Variants in SLC43A2 observed in about 807,000 individuals in gnomAD.
The protein encoded by SLC43A2 is large neutral amino acids transporter small subunit 4.
In SLC43A2, 38 loss-of-function variants were observed where a neutral mutation model predicts 63.2. The observed-to-expected ratio is 0.60, with a 90% CI of 0.46 to 0.79. SLC43A2 has a LOEUF of 0.79. Among genes scored for constraint, SLC43A2 ranks in the 30% least tolerant of loss-of-function variants. SLC43A2 has a pLI of 0.00. For missense variants in SLC43A2, 644 were observed against 756.2 expected, an observed-to-expected ratio of 0.85 and a Z score of 1.74; for synonymous variants, 322 against 331.0, an observed-to-expected ratio of 0.97 and a Z score of 0.30.
chr17:1,591,580 C>T lies in SLC43A2; in HGVS notation c.714G>A (p.Glu238=), dbSNP rs111416101. ...CCTCTACTTACGAGTAGTCCATGTC[C>T]TCCGGCCCCGGGAAGGGCTCAAGGG... The part of the protein sequence containing the change: ...NWPLEPFPGP[E]DMDYSVKIKF... The change falls in exon 7 of 14, where the codon GAG becomes GAA. Residue 238 remains glutamate (E), a synonymous_variant. Coordinates refer to ENST00000301335, the MANE Select transcript of SLC43A2 (RefSeq NM_152346.3). 2,811 of 1,550,598 alleles carry T rather than the reference C, an allele frequency of 1.8e-3. 57 individuals carry two copies. The African/African-American group carries it at 0.033, about 18-fold the overall frequency.
At chr17:1,584,092 A>T (rs922783301) in intron 10 of SLC43A2, among the ~76,000 whole-genome samples, 1 of 151,938 alleles carries the variant, frequency 6.6e-6, no homozygotes, top group Admixed American at 6.6e-5. Flanking sequence ...ACAGGGTTTC[A>T]CCATGTTAGC....
chr17:1,579,390 G>A (rs2075979692), intron 11 of SLC43A2, among the ~76,000 whole-genome samples: 1 of 151,254 alleles, frequency 6.6e-6, no homozygotes. Flanking sequence ...GAACCGGGGA[G>A]GCGGAGGTTG....
chr17:1,583,161 ACTGCCCCACCTCCCAC>A lies in SLC43A2; in HGVS notation c.1350+27_1350+42del. On this transcript the variant is annotated intron_variant, in intron 11 of 13. Transcript: ENST00000301335. This position sits in a 1 kb window ranked among gnomAD's most constrained non-coding sequence, Gnocchi z 5.5. ...TTTGAGTCTTTACATGTTCCTTCTG[ACTGCCCCACCTCCCAC>A]CTGCCCCTCCCACTCCCCACACCCA... The A allele has an allele frequency of 1.3e-6, 2 of 1,597,116 alleles. No individual in the cohort carries two copies. Among genetic ancestry groups the A allele is most frequent in the Non-Finnish European group, 1.7e-6 (2 of 1,165,994 alleles).
rs1374837307 is a variant in SLC43A2, at chr17:1,569,779, A to G, written c.*5825T>C. On this transcript the variant is annotated 3_prime_UTR_variant, in exon 14 of 14. Coordinates refer to ENST00000301335, the MANE Select transcript of SLC43A2 (RefSeq NM_152346.3). ...AGCTATTTGGCCAAGTCTTACCAAA[A>G]CGTGAAAGCCACAAAAGAAAAGTGA... The G allele has an allele frequency of 2.0e-5, 3 of 152,018 alleles. No homozygotes were observed. Among genetic ancestry groups the G allele is most frequent in the African/African-American group, 7.3e-5 (3 of 41,372 alleles). The allele number at this position is 152,018 out of a possible 1,614,324, so 9.4% of individuals were successfully genotyped here.
chr17:1,613,601 C>T (rs1205252803), intron 4 of SLC43A2, among the ~76,000 whole-genome samples: 3 of 152,150 alleles, frequency 2.0e-5, no homozygotes, highest in African/African-American at 4.8e-5. Context: ...TACAGGCATG[C>T]GCCACCACAC....
rs1414536141 is a variant in SLC43A2, at chr17:1,579,334, G to A, written c.1351-1011C>T. Among the ~76,000 whole-genome samples the A allele has an allele frequency of 2.7e-5, 4 of 150,446 alleles. No individual in the cohort carries two copies. The East Asian group carries it at 5.8e-4, about 22-fold the overall frequency. On this transcript the variant is annotated intron_variant, in intron 11 of 13. Coordinates refer to ENST00000301335, the MANE Select transcript of SLC43A2 (RefSeq NM_152346.3). ...AAATTAGCCGGGTGTGGTGGCGGGC[G>A]CCTGTATTCCCAGCTACTCAGGAGG...
intron 5 of SLC43A2, among the ~76,000 whole-genome samples, chr17:1,611,404 G>A (rs1372156428): frequency 6.6e-6 from 1 of 152,138 alleles, no homozygotes; most frequent in Non-Finnish European, 1.5e-5. Context: ...GGAGGCTGAG[G>A]CGGGCAGATT....
intron 6 of SLC43A2, among the ~76,000 whole-genome samples, chr17:1,591,933 A>T (rs1904852302): frequency 1.3e-5 from 2 of 151,828 alleles, no homozygotes; most frequent in Admixed American, 6.6e-5. Flanking sequence ...TAGCCCCCCG[A>T]CTCGGAGGCC....
At chr17:1,614,856 C>A in intron 4 of SLC43A2, 123 bp downstream of exon 4, 1 of 932,896 alleles carries the variant, frequency 1.1e-6, no homozygotes, top group Non-Finnish European at 1.7e-6. Context: ...TAACAGGTGT[C>A]CCCTCTAACT....
chr17:1,623,784 CTCCTCCAGGCTGTACCCTCCT>C (rs1908391346), intron 2 of SLC43A2, among the ~76,000 whole-genome samples: 2 of 149,130 alleles, frequency 1.3e-5, no homozygotes, highest in Non-Finnish European at 3.0e-5. Context: ...GTACCCTCCT[CTCCTCCAGGCTGTACCCTCCT>C]CTCCTCCAGG....
chr17:1,581,216 ACACACG>A (rs1446181687), intron 11 of SLC43A2, among the ~76,000 whole-genome samples: 2 of 151,990 alleles, frequency 1.3e-5, no homozygotes, highest in Non-Finnish European at 2.9e-5. Context: ...ACACACACAC[ACACACG>A]CACGCTGTGC....
rs558764725 is a variant in SLC43A2 at position 1,577,865 on chromosome 17, G to T, written c.1424+385C>A. Among the ~76,000 whole-genome samples the T allele has an allele frequency of 6.6e-6, 1 of 152,302 alleles. No individual in the cohort carries two copies. Among genetic ancestry groups the T allele is most frequent in the East Asian group, 1.9e-4 (1 of 5,184 alleles). On this transcript the variant is annotated intron_variant, in intron 12 of 13. Coordinates refer to ENST00000301335, the MANE Select transcript of SLC43A2 (RefSeq NM_152346.3). This position sits in a 1 kb window ranked among gnomAD's most constrained non-coding sequence, Gnocchi z 4.9. Reference sequence around the variant, plus strand: ...TTGCTGCCCGTGATGAGGGCAACTGGAACTTCCGCATTTAGCTTCAGGCAG... The same window carrying T: ...TTGCTGCCCGTGATGAGGGCAACTGTAACTTCCGCATTTAGCTTCAGGCAG...
rs1181958476 is a variant in SLC43A2, at chr17:1,613,290, C to G, written c.425-19G>C. The G allele has an allele frequency of 6.2e-7, 1 of 1,613,464 alleles. No homozygotes were observed. Among genetic ancestry groups the G allele is most frequent in the Admixed American group, 1.7e-5 (1 of 59,968 alleles). ...GAGAGAGCTGCAGGGACATGGAAAG[C>G]TCGTGAGTGGAGACCCCAGCTGAGC... On this transcript the variant is annotated intron_variant, in intron 4 of 13. Transcript: ENST00000301335.
chr17:1,576,857 A>T, intron 12 of SLC43A2, 137 bp from the exon 13 acceptor site: 9 of 922,424 alleles, frequency 9.8e-6, no homozygotes, highest in Non-Finnish European at 1.4e-5. Context: ...CCTGCTGGGC[A>T]GTTCTGTTTT....
chr17:1,597,555 T>C (rs1905432361), intron 5 of SLC43A2, among the ~76,000 whole-genome samples: 1 of 147,522 alleles, frequency 6.8e-6, no homozygotes, highest in Non-Finnish European at 1.5e-5. Flanking sequence ...ATCCCAGCAC[T>C]TTGGGAGGCC....
chr17:1,616,360 T>C (rs1439348791), intron 3 of SLC43A2: 3 of 576,572 alleles, frequency 5.2e-6, no homozygotes, highest in Admixed American at 3.3e-5. Flanking sequence ...CTGGAGCTTT[T>C]CTTATTCGGT....
At chr17:1,582,484 C>T (rs1444041095) in intron 11 of SLC43A2, among the ~76,000 whole-genome samples, 2 of 152,082 alleles carry the variant, frequency 1.3e-5, no homozygotes, top group Admixed American at 1.3e-4. Context: ...GATGCTCCCA[C>T]CAACACCACA....
intron 2 of SLC43A2, among the ~76,000 whole-genome samples, chr17:1,620,340 C>A (rs973009235): frequency 6.6e-6 from 1 of 152,160 alleles, no homozygotes; most frequent in Non-Finnish European, 1.5e-5. Context: ...TGCACTCCAG[C>A]CTGGGCCACA....
chr17:1,577,186 G>A lies in SLC43A2; in HGVS notation c.1425-466C>T, dbSNP rs2075947580. The stretch of plus-strand genomic sequence containing the variant: ...GCCCTGCTGGGTGGTTCTGCAAAGT[G>A]TTTCTCTTTGGACCAGCTCCAGGCC... On this transcript the variant is annotated intron_variant, in intron 12 of 13. Coordinates refer to ENST00000301335, the MANE Select transcript of SLC43A2 (RefSeq NM_152346.3). This position sits in a 1 kb window ranked among gnomAD's most constrained non-coding sequence, Gnocchi z 4.9. Among the ~76,000 whole-genome samples, 1 of 152,294 alleles carries A rather than the reference G, an allele frequency of 6.6e-6. No individual in the cohort carries two copies. The highest frequency in any genetic ancestry group is 1.5e-5 in the Non-Finnish European group (1 of 68,020).
Sources: allele counts gnomAD v4.1 joint callset (sites outside exome capture counted in the v4.1 genomes callset), GRCh38; gene constraint gnomAD v4.1.1; non-coding constraint Gnocchi (gnomAD v3.1); transcripts MANE v1.5; gene names NCBI Gene and HGNC (gene_info 2026-07-23, HGNC 2026-07-21).